TNR: variants seen among roughly 807,000 people sequenced by gnomAD.
TNR encodes the protein tenascin R, also known as tenascin-R.
TNR carries 45 observed loss-of-function variants against 150.4 expected under a neutral mutation model. The ratio of observed to expected loss-of-function variants is 0.30; its 90% CI spans 0.24 to 0.38. The LOEUF (loss-of-function observed/expected upper bound fraction) is 0.38, where lower values mean the gene tolerates loss of function less well. Ranked by LOEUF, TNR falls within the 10% of genes least tolerant of loss-of-function variation. TNR has a pLI of 1.00. For missense variants in TNR, 1,544 were observed against 1,759.1 expected, an observed-to-expected ratio of 0.88 and a Z score of 2.19; for synonymous variants, 687 against 678.4, an observed-to-expected ratio of 1.01 and a Z score of -0.20.
chr1:175,331,058 T>TTTCC (rs1553203362), intron 20 of TNR, among the ~76,000 whole-genome samples: 1 of 116,276 alleles, frequency 8.6e-6, no homozygotes, highest in African/African-American at 3.7e-5. Flanking sequence ...TCTTTCTTTC[T>TTTCC]TTCTTTCTTT....
At chr1:175,621,074 C>T (rs916307986) in intron 1 of TNR, among the ~76,000 whole-genome samples, 15 of 152,164 alleles carry the variant, frequency 9.9e-5, no homozygotes, top group African/African-American at 2.7e-4. Context: ...TGATTCAGGA[C>T]GGCATTGCCA....
intron 2 of TNR, among the ~76,000 whole-genome samples, chr1:175,436,437 T>G (rs1655514437): frequency 6.6e-6 from 1 of 152,212 alleles, no homozygotes; most frequent in Admixed American, 6.5e-5. Context: ...AATCGGCTAC[T>G]GAGGCTTGTG....
intron 2 of TNR, among the ~76,000 whole-genome samples, chr1:175,496,935 C>T (rs1173090585): frequency 6.6e-6 from 1 of 152,224 alleles, no homozygotes; most frequent in African/African-American, 2.4e-5. Flanking sequence ...CCTCATTTAT[C>T]TAGCTGCAGC....
intron 9 of TNR, among the ~76,000 whole-genome samples, chr1:175,371,961 A>C (rs34442518): frequency 0.054 from 8,253 of 151,872 alleles, 316 homozygotes; most frequent in Middle Eastern, 0.18. Context: ...TGCCATCCCC[A>C]ATGTTGGTGG....
At chr1:175,439,025 T>C (rs1179979159) in intron 2 of TNR, among the ~76,000 whole-genome samples, 1 of 152,174 alleles carries the variant, frequency 6.6e-6, no homozygotes, top group African/African-American at 2.4e-5. Flanking sequence ...AAAAAACTAC[T>C]TTAAAGTTCA....
intron 21 of TNR, among the ~76,000 whole-genome samples, chr1:175,325,587 T>C (rs1258010115): frequency 6.6e-6 from 1 of 152,204 alleles, no homozygotes; most frequent in African/African-American, 2.4e-5. Context: ...ATTGCAGCAC[T>C]ATTCACAATA....
intron 2 of TNR, among the ~76,000 whole-genome samples, chr1:175,488,130 T>C (rs1042254541): frequency 6.6e-6 from 1 of 152,192 alleles, no homozygotes; most frequent in South Asian, 2.1e-4. Context: ...GAGAGGCAGA[T>C]TGATTTTTAA....
intron 18 of TNR, among the ~76,000 whole-genome samples, chr1:175,343,031 T>C (rs1650601199): frequency 2.0e-5 from 3 of 152,210 alleles, no homozygotes. Flanking sequence ...CACTTCCTAC[T>C]GGTCTCCCTG....
intron 1 of TNR, among the ~76,000 whole-genome samples, chr1:175,582,795 C>T (rs909866197): frequency 2.6e-5 from 4 of 152,024 alleles, no homozygotes; most frequent in Non-Finnish European, 4.4e-5. Context: ...AGAGGTGGAA[C>T]CTTTACAAGG....
chr1:175,595,217 T>C (rs1662962583), intron 1 of TNR, among the ~76,000 whole-genome samples: 1 of 152,164 alleles, frequency 6.6e-6, no homozygotes, highest in African/African-American at 2.4e-5. Context: ...ATAACTGACA[T>C]TTGGTGATTG....
intron 1 of TNR, among the ~76,000 whole-genome samples, chr1:175,583,166 C>T (rs551245695): frequency 3.9e-5 from 6 of 152,188 alleles, no homozygotes; most frequent in African/African-American, 1.4e-4. Context: ...ACCTCAACCC[C>T]CTAGACTGCC....
chr1:175,684,252 G>A lies in TNR; in HGVS notation c.-165+58974C>T, dbSNP rs1480698141. ...CGTTCAACAAAATATATTGAGCTTCGACTGTCTCAGGCCCTGTGTTAGGTG... is the reference window on the plus strand; with the variant it reads ...CGTTCAACAAAATATATTGAGCTTCAACTGTCTCAGGCCCTGTGTTAGGTG... On this transcript the variant is annotated intron_variant, in intron 1 of 22. Transcript: ENST00000367674. Among the ~76,000 whole-genome samples, 7 of 152,194 alleles carry A rather than the reference G, an allele frequency of 4.6e-5. No individual in the cohort carries two copies. The East Asian group carries it at 5.8e-4, about 13-fold the overall frequency.
chr1:175,568,739 G>A lies in TNR; in HGVS notation c.-164-40370C>T, dbSNP rs117870416. On this transcript the variant is annotated intron_variant, in intron 1 of 22. Coordinates refer to ENST00000367674, the MANE Select transcript of TNR (RefSeq NM_003285.3). ...GTGCACAGAAGAGCAATGTGCTGAG[G>A]CTAGAGTTCACAGGAACCCTCCTCT... Among the ~76,000 whole-genome samples, 262 of 152,280 alleles carry A rather than the reference G, an allele frequency of 1.7e-3. 4 individuals are homozygous for A. The East Asian group carries it at 0.042, about 25-fold the overall frequency.
intron 1 of TNR, among the ~76,000 whole-genome samples, chr1:175,560,682 G>A (rs1661389830): frequency 1.3e-5 from 2 of 152,180 alleles, no homozygotes; most frequent in Admixed American, 1.3e-4. Context: ...AAATCCAGCA[G>A]GCTGTACAAT....
Position 175,350,874 on chromosome 1 carries a change from G to A in TNR, c.3382+3517C>T, listed in dbSNP as rs75306290. 9.5e-3 allele frequency among the ~76,000 whole-genome samples: 1,453 copies of A among 152,226 alleles called. 26 individuals are homozygous for A. Among genetic ancestry groups the A allele is most frequent in the African/African-American group, 0.033 (1,385 of 41,506 alleles). Reference sequence around the variant, plus strand: ...TTTATCCGTGGATAAAGGCAACTTTGGGCCAAACTTTAAGCTCTCTTGTTC... The same window carrying A: ...TTTATCCGTGGATAAAGGCAACTTTAGGCCAAACTTTAAGCTCTCTTGTTC... On this transcript the variant is annotated intron_variant, in intron 18 of 22. Coordinates refer to ENST00000367674, the MANE Select transcript of TNR (RefSeq NM_003285.3).
At chr1:175,579,283 A>G (rs568157251) in intron 1 of TNR, among the ~76,000 whole-genome samples, 25 of 151,676 alleles carry the variant, frequency 1.6e-4, no homozygotes, top group Non-Finnish European at 3.2e-4. Context: ...GCATTTAGCC[A>G]TCATTATATA....
At chr1:175,685,839 A>G (rs1666178792) in intron 1 of TNR, among the ~76,000 whole-genome samples, 2 of 136,892 alleles carry the variant, frequency 1.5e-5, no homozygotes, top group South Asian at 2.5e-4. Context: ...TTTTACTCAA[A>G]CAAACCATTA....
intron 1 of TNR, among the ~76,000 whole-genome samples, chr1:175,554,302 T>A (rs1661063691): frequency 1.4e-5 from 2 of 141,148 alleles, no homozygotes; most frequent in African/African-American, 5.4e-5. Context: ...TGCTTATACA[T>A]CTTCCTAAGG....
At chr1:175,323,574 G>A in intron 22 of TNR, 98 bp from the exon 23 acceptor site, 1 of 1,519,970 alleles carries the variant, frequency 6.6e-7, no homozygotes, top group Non-Finnish European at 8.9e-7. Flanking sequence ...TCCACAATGT[G>A]GGGTTAGCTA....
Sources: allele counts gnomAD v4.1 joint callset (sites outside exome capture counted in the v4.1 genomes callset), GRCh38; gene constraint gnomAD v4.1.1; transcripts MANE v1.5; gene names NCBI Gene and HGNC (gene_info 2026-07-23, HGNC 2026-07-21).